Variants in MEI4 observed in about 807,000 individuals in gnomAD.
The protein encoded by MEI4 is meiotic double-stranded break formation protein 4, also known as meiosis-specific protein MEI4.
A neutral mutation model predicts 31.4 loss-of-function variants in MEI4; 27 were observed. The observed-to-expected ratio is 0.86, with a 90% CI of 0.63 to 1.19. The LOEUF is 1.19. MEI4 is among the 50% of genes most tolerant of loss of function. The pLI is 0.00. For synonymous variants in MEI4, 122 were observed against 145.4 expected (o/e 0.84, Z 1.16); for missense variants, 329 against 398.9 (o/e 0.82, Z 1.49).
intron 3 of MEI4, among the ~76,000 whole-genome samples, chr6:77,792,823 C>T (rs1768973662): frequency 6.6e-6 from 1 of 152,000 alleles, no homozygotes; most frequent in South Asian, 2.1e-4. Flanking sequence ...CACCATTCTC[C>T]TGCCTCAGCC....
At chr6:77,829,697 C>T (rs1418301592) in intron 4 of MEI4, among the ~76,000 whole-genome samples, 1 of 152,070 alleles carries the variant, frequency 6.6e-6, no homozygotes, top group Non-Finnish European at 1.5e-5. Context: ...AATGTTGACA[C>T]TGGTTTATTA....
intron 4 of MEI4, among the ~76,000 whole-genome samples, chr6:77,851,233 C>T (rs1372049198): frequency 1.3e-5 from 2 of 152,140 alleles, no homozygotes; most frequent in African/African-American, 2.4e-5. Context: ...GTGGTGATTC[C>T]TCAGGGATCT....
At chr6:77,690,064 A>G (rs1769130606) in intron 1 of MEI4, among the ~76,000 whole-genome samples, 1 of 152,076 alleles carries the variant, frequency 6.6e-6, no homozygotes, top group Admixed American at 6.6e-5. Context: ...GTGAAGAATC[A>G]GAGTAGACTC....
intron 4 of MEI4, among the ~76,000 whole-genome samples, chr6:77,838,731 G>A (rs773469162): frequency 2.6e-5 from 4 of 151,828 alleles, no homozygotes; most frequent in Non-Finnish European, 5.9e-5. Flanking sequence ...GTGAAACCCC[G>A]TCTCTACTAA....
chr6:77,815,971 A>G (rs1162958749), intron 3 of MEI4, among the ~76,000 whole-genome samples: 1 of 152,066 alleles, frequency 6.6e-6, no homozygotes, highest in Admixed American at 6.6e-5. Context: ...TTATAGGCAG[A>G]GCCAATTTTT....
At position 77,888,315 on chromosome 6, in the gene MEI4, T is replaced by A. The variant is rs1361580070; in HGVS notation, c.901-34774T>A. 2.0e-5 allele frequency among the ~76,000 whole-genome samples: 3 copies of A among 147,468 alleles called. No homozygotes were observed. In the East Asian group the frequency reaches 6.2e-4, roughly 30 times the overall value. On this transcript the variant is annotated intron_variant, in intron 4 of 4. Coordinates refer to ENST00000684080, the MANE Select transcript of MEI4 (RefSeq NM_001322247.2). ...GTCACTTTGTTAATTGTTTTCTAATTTTTTTGTATATCCTTTTTCTTTTTT... is the reference window on the plus strand; with the variant it reads ...GTCACTTTGTTAATTGTTTTCTAATATTTTTGTATATCCTTTTTCTTTTTT...
intron 4 of MEI4, among the ~76,000 whole-genome samples, chr6:77,841,589 A>G (rs1770366368): frequency 6.6e-6 from 1 of 151,542 alleles, no homozygotes; most frequent in Admixed American, 6.6e-5. Flanking sequence ...TGATCCACCC[A>G]CCTGGGCCTC....
At chr6:77,744,960 C>T (rs1412865050) in intron 2 of MEI4, among the ~76,000 whole-genome samples, 2 of 152,122 alleles carry the variant, frequency 1.3e-5, no homozygotes, top group African/African-American at 2.4e-5. Context: ...AAAAGAGCTC[C>T]TGAAGGAAGC....
intron 2 of MEI4, among the ~76,000 whole-genome samples, chr6:77,717,079 A>G (rs6940113): frequency 0.13 from 17,713 of 136,770 alleles, 1,250 homozygotes; most frequent in Middle Eastern, 0.2. Context: ...CGTTCAGCAT[A>G]TGGAGGATCC....
chr6:77,730,611 T>C (rs1011197880), intron 2 of MEI4, among the ~76,000 whole-genome samples: 7 of 151,386 alleles, frequency 4.6e-5, no homozygotes, highest in African/African-American at 1.7e-4. Flanking sequence ...ATATATTATT[T>C]ATTTATTTAT....
chr6:77,732,867 G>T (rs149725030), intron 2 of MEI4, among the ~76,000 whole-genome samples: 1 of 151,318 alleles, frequency 6.6e-6, no homozygotes, highest in Non-Finnish European at 1.5e-5. Context: ...AAGGCCTTTT[G>T]TGCATCTATT....
chr6:77,745,311 G>A (rs534066209), intron 2 of MEI4, among the ~76,000 whole-genome samples: 4 of 152,092 alleles, frequency 2.6e-5, no homozygotes, highest in Admixed American at 2.6e-4. Flanking sequence ...AAAGGCAGGG[G>A]TTGCAATCCT....
chr6:77,817,826 C>T (rs1392016432), intron 3 of MEI4, among the ~76,000 whole-genome samples: 4 of 152,048 alleles, frequency 2.6e-5, no homozygotes, highest in African/African-American at 9.7e-5. Context: ...AGGTGTTAGG[C>T]AACATGAGGC....
rs549207666 is a variant in MEI4 at position 77,796,938 on chromosome 6, T to C, written c.769-31993T>C. On this transcript the variant is annotated intron_variant, in intron 3 of 4. Coordinates refer to ENST00000684080, the MANE Select transcript of MEI4 (RefSeq NM_001322247.2). ...ATTTACACTCCCTGTTTTGAAACTA[T>C]ATCATAAAAAGTGATAGTAATATAA... Among the ~76,000 whole-genome samples, 3 of 152,306 alleles carry C rather than the reference T, an allele frequency of 2.0e-5. No homozygotes were observed. The South Asian group carries it at 6.2e-4, about 32-fold the overall frequency.
At chr6:77,867,145 A>T (rs963700321) in intron 4 of MEI4, among the ~76,000 whole-genome samples, 5 of 152,232 alleles carry the variant, frequency 3.3e-5, no homozygotes, top group African/African-American at 1.2e-4. Context: ...AGGCATTACC[A>T]TTCAGGACAT....
chr6:77,768,140 C>T (rs1419132479), intron 3 of MEI4, among the ~76,000 whole-genome samples: 1 of 152,102 alleles, frequency 6.6e-6, no homozygotes, highest in Non-Finnish European at 1.5e-5. Flanking sequence ...AAGTACTTAA[C>T]CAGTAGTAGA....
intron 4 of MEI4, among the ~76,000 whole-genome samples, chr6:77,860,988 A>G (rs1582224954): frequency 6.6e-6 from 1 of 152,206 alleles, no homozygotes; most frequent in African/African-American, 2.4e-5. Context: ...CTCTCAGAGC[A>G]TCATTAATCT....
chr6:77,821,014 CTT>C (rs777501608), intron 3 of MEI4, among the ~76,000 whole-genome samples: 1 of 151,936 alleles, frequency 6.6e-6, no homozygotes, highest in African/African-American at 2.4e-5. Flanking sequence ...CATCATTTCT[CTT>C]TCCTATATTA....
intron 4 of MEI4, among the ~76,000 whole-genome samples, chr6:77,876,763 T>G (rs1387709051): frequency 1.3e-5 from 2 of 152,184 alleles, no homozygotes; most frequent in African/African-American, 2.4e-5. Flanking sequence ...TCAATCTGTT[T>G]ATTAATTAAA....
Sources: allele counts gnomAD v4.1 joint callset (sites outside exome capture counted in the v4.1 genomes callset), GRCh38; gene constraint gnomAD v4.1.1; transcripts MANE v1.5; gene names NCBI Gene and HGNC (gene_info 2026-07-23, HGNC 2026-07-21).